OOEP: variants seen among roughly 807,000 people sequenced by gnomAD.
The protein encoded by OOEP is oocyte expressed protein.
OOEP carries 16 observed loss-of-function variants against 13.7 expected under a neutral mutation model. The observed-to-expected ratio is 1.16, with a 90% CI of 0.79 to 1.77. The LOEUF (loss-of-function observed/expected upper bound fraction) is 1.77, where lower values mean the gene tolerates loss of function less well. Ranked by LOEUF, OOEP falls within the 40% of genes most tolerant of loss-of-function variation. OOEP has a pLI of 0.00. For missense variants in OOEP, 195 were observed against 193.1 expected (o/e 1.01, Z -0.06); for synonymous variants, 89 against 77.1 (o/e 1.15, Z -0.81).
At chr6:73,394,776 G>GC (rs1385915618) in exon 1 of OOEP, 1 of 1,354,424 alleles carries the variant, frequency 7.4e-7, no homozygotes, top group Non-Finnish European at 9.9e-7. Flanking sequence ...CGTGGGCGGG[G>GC]GGGCTAGCCT....
intron 2 of OOEP, among the ~76,000 whole-genome samples, chr6:73,375,363 A>C (rs1211413879): frequency 6.6e-6 from 1 of 152,058 alleles, no homozygotes; most frequent in Admixed American, 6.6e-5. Context: ...GGACTGCCTG[A>C]GGCCAGGAGT....
At chr6:73,389,680 A>G (rs1395712726) in intron 2 of OOEP, among the ~76,000 whole-genome samples, 7 of 137,114 alleles carry the variant, frequency 5.1e-5, no homozygotes, top group African/African-American at 2.0e-4. Context: ...AACATCACAC[A>G]CCGGGGACTG....
intron 2 of OOEP, among the ~76,000 whole-genome samples, chr6:73,377,341 G>C (rs907136680): frequency 6.6e-6 from 1 of 152,166 alleles, no homozygotes; most frequent in African/African-American, 2.4e-5. Context: ...AGAACTATAG[G>C]GCTCTGCTCA....
chr6:73,368,977 C>G, intron 2 of OOEP, 114 bp from the exon 3 acceptor site: 2 of 888,536 alleles, frequency 2.3e-6, no homozygotes, highest in Non-Finnish European at 1.8e-6. Context: ...GTGCTGTAAC[C>G]CAGGTGAGGC....
At chr6:73,381,716 C>T (rs529786348) in intron 2 of OOEP, among the ~76,000 whole-genome samples, 8 of 152,260 alleles carry the variant, frequency 5.3e-5, no homozygotes, top group African/African-American at 1.9e-4. Flanking sequence ...CGCGGTGGCT[C>T]ACACCTGTAA....
intron 2 of OOEP, among the ~76,000 whole-genome samples, chr6:73,375,308 G>A (rs1769122354): frequency 1.3e-5 from 2 of 152,160 alleles, no homozygotes; most frequent in South Asian, 2.1e-4. Context: ...AGTGAGCCTA[G>A]AGGGATGGCT....
At chr6:73,394,477 G>A (rs1769410260) in exon 2 of OOEP, 2 of 667,066 alleles carry the variant, frequency 3.0e-6, no homozygotes, top group Non-Finnish European at 5.4e-6. Flanking sequence ...GCAACACGGC[G>A]ACACCCCGTC....
At chr6:73,395,105 A>C, upstream of OOEP, 1 of 1,614,132 alleles carries the variant, frequency 6.2e-7, no homozygotes, top group Non-Finnish European at 8.5e-7. Context: ...GGTCACGAGG[A>C]ACTGCCGCTG....
At chr6:73,371,768 A>AAT (rs767133092), upstream of OOEP, among the ~76,000 whole-genome samples, 10,792 of 126,258 alleles carry the variant, frequency 0.085, 860 homozygotes, top group East Asian at 0.4. Context: ...AAAAAAAATA[A>AAT]AAATAAAAAA....
chr6:73,394,184 ATT>A (rs1016466984), intron 2 of OOEP, among the ~76,000 whole-genome samples: 2 of 148,828 alleles, frequency 1.3e-5, no homozygotes, highest in South Asian at 4.3e-4. Context: ...TCTCTATTAA[ATT>A]TTTTTTTTTT....
At chr6:73,389,516 T>C (rs925928708) in intron 2 of OOEP, among the ~76,000 whole-genome samples, 7 of 152,116 alleles carry the variant, frequency 4.6e-5, no homozygotes, top group African/African-American at 1.7e-4. Flanking sequence ...TTTAGGATAA[T>C]AGATTCCACC....
Position 73,385,287 on chromosome 6 carries a change from A to G in OOEP, c.25+9059T>C, listed in dbSNP as rs565639017. 1.7e-3 allele frequency among the ~76,000 whole-genome samples: 263 copies of G among 151,910 alleles called. 2 individuals are homozygous for G. The highest frequency in any genetic ancestry group is 6.2e-3 in the African/African-American group (259 of 41,528). The stretch of plus-strand genomic sequence containing the variant: ...GCGTGAACCCGGGAGAGGAGCTTGC[A>G]GTGAGCCAAGATTGCGCCACTGCAC... On this transcript the variant is annotated intron_variant, in intron 2 of 3. Coordinates refer to the OOEP transcript ENST00000370363.
chr6:73,370,272 T>C (rs1031069144), upstream of OOEP, among the ~76,000 whole-genome samples: 3 of 152,234 alleles, frequency 2.0e-5, no homozygotes, highest in Non-Finnish European at 4.4e-5. Flanking sequence ...TTCTCTGTTC[T>C]GCTCCCTGTT....
At chr6:73,392,269 G>C (rs1021189977) in intron 2 of OOEP, among the ~76,000 whole-genome samples, 1 of 152,164 alleles carries the variant, frequency 6.6e-6, no homozygotes, top group Non-Finnish European at 1.5e-5. Flanking sequence ...AAAGATTAGA[G>C]AATGGAGATT....
At position 73,385,084 on chromosome 6, in the gene OOEP, C is replaced by T. The variant is rs571877375; in HGVS notation, c.25+9262G>A. 1.3e-3 allele frequency among the ~76,000 whole-genome samples: 202 copies of T among 150,794 alleles called. 1 individual carries two copies. Among genetic ancestry groups the T allele is most frequent in the African/African-American group, 4.0e-3 (164 of 41,288 alleles). ...AATGGAGGCTGGGCGTGGTGGCTCA[C>T]GCCTGTAATCCCAGCACTTTGGGAG... On this transcript the variant is annotated intron_variant, in intron 2 of 3. Coordinates refer to the OOEP transcript ENST00000370363.
intron 2 of OOEP, among the ~76,000 whole-genome samples, chr6:73,381,004 A>T (rs947517799): frequency 6.6e-6 from 1 of 151,760 alleles, no homozygotes; most frequent in Admixed American, 6.6e-5. Flanking sequence ...ATAATAATAA[A>T]AAAATTTAGC....
chr6:73,383,752 A>G (rs1582628463), intron 2 of OOEP, among the ~76,000 whole-genome samples: 1 of 152,312 alleles, frequency 6.6e-6, no homozygotes, highest in Admixed American at 6.5e-5. Context: ...TAAAACTGAC[A>G]AGTATTTAGA....
Position 73,369,656 on chromosome 6 carries a change from A to G in OOEP, c.137T>C (p.Leu46Pro). The change falls in exon 1 of 3, where the codon CTG (leucine) becomes CCG (proline). Residue 46 changes from leucine to proline, a missense_variant. Physicochemically the swap from Leu to Pro is moderately conservative, Grantham distance 98. Transcript: ENST00000370359. ...IRPWWFPVQE[L>P]RDPLVFYLEA... ...TAGGTAGAACACCAAAGGGTCTCTC[A>G]GTTCCTGCACCGGAAACCACCAGGG... The G allele has an allele frequency of 6.2e-7, 1 of 1,614,038 alleles. No individual in the cohort carries two copies. Among genetic ancestry groups the G allele is most frequent in the Middle Eastern group, 1.7e-4 (1 of 6,060 alleles).
intron 2 of OOEP, among the ~76,000 whole-genome samples, chr6:73,387,007 C>T (rs1419576169): frequency 1.1e-5 from 1 of 88,018 alleles, no homozygotes; most frequent in African/African-American, 4.0e-5. Flanking sequence ...AAAAAAAGAA[C>T]AGCAGAGCTC....
Sources: allele counts gnomAD v4.1 joint callset (sites outside exome capture counted in the v4.1 genomes callset), GRCh38; gene constraint gnomAD v4.1.1; transcripts MANE v1.5; gene names NCBI Gene and HGNC (gene_info 2026-07-23, HGNC 2026-07-21).